EPHA6: variants seen among roughly 807,000 people sequenced by gnomAD.
EPHA6 encodes the protein EPH receptor A6.
A neutral mutation model predicts 112.0 loss-of-function variants in EPHA6; 50 were observed. The ratio of observed to expected loss-of-function variants is 0.45; its 90% CI spans 0.36 to 0.56. The LOEUF is 0.56. EPHA6 is among the 20% of genes least tolerant of loss of function. The pLI is 0.00. For missense variants in EPHA6, 1,280 were observed against 1,417.4 expected (o/e 0.90, Z 1.56); for synonymous variants, 529 against 490.7 (o/e 1.08, Z -1.03).
chr3:97,027,260 G>C (rs1431333470), intron 3 of EPHA6, among the ~76,000 whole-genome samples: 1 of 152,122 alleles, frequency 6.6e-6, no homozygotes. Context: ...GGCACATACA[G>C]GGGAACAACA....
intron 3 of EPHA6, among the ~76,000 whole-genome samples, chr3:97,129,281 C>T (rs1212755996): frequency 2.0e-5 from 3 of 151,906 alleles, no homozygotes; most frequent in Non-Finnish European, 4.4e-5. Flanking sequence ...GGGCAGATCA[C>T]GAGATCAGGA....
intron 2 of EPHA6, among the ~76,000 whole-genome samples, chr3:96,919,625 G>A (rs1270665940): frequency 6.6e-6 from 1 of 151,738 alleles, no homozygotes; most frequent in Non-Finnish European, 1.5e-5. Flanking sequence ...GTAATAACTT[G>A]TAGGTATCGG....
Position 97,405,668 on chromosome 3 carries a change from T to C in EPHA6, c.1731+394T>C, listed in dbSNP as rs80291894. ...CTGAAGTGGGTTTTTGTAGCACATA[T>C]CCTTTGCCAGTGTGTTTAGAGTTAC... On this transcript the variant is annotated intron_variant, in intron 6 of 17. Transcript: ENST00000389672. Among the ~76,000 whole-genome samples, 965 of 152,222 alleles carry C rather than the reference T, an allele frequency of 6.3e-3. 11 individuals carry two copies. The highest frequency in any genetic ancestry group is 0.02 in the Admixed American group (304 of 15,262).
chr3:96,879,778 G>C (rs916287348), intron 2 of EPHA6, among the ~76,000 whole-genome samples: 17 of 151,996 alleles, frequency 1.1e-4, no homozygotes, highest in Non-Finnish European at 2.1e-4. Flanking sequence ...ATTATAAAAG[G>C]GATTGGGTTC....
At chr3:96,956,661 G>A (rs2041771739) in intron 2 of EPHA6, among the ~76,000 whole-genome samples, 1 of 152,014 alleles carries the variant, frequency 6.6e-6, no homozygotes, top group African/African-American at 2.4e-5. Context: ...GATCAGAAAG[G>A]CATTAAAATA....
intron 5 of EPHA6, among the ~76,000 whole-genome samples, chr3:97,265,050 A>G (rs888332924): frequency 6.6e-6 from 1 of 152,166 alleles, no homozygotes; most frequent in Non-Finnish European, 1.5e-5. Context: ...AGCTATCAGC[A>G]GAGAGGTTAG....
At chr3:97,084,125 G>GATATATATATATAT (rs747964175) in intron 3 of EPHA6, among the ~76,000 whole-genome samples, 4 of 92,452 alleles carry the variant, frequency 4.3e-5, no homozygotes, top group African/African-American at 1.4e-4. Context: ...TATATATATG[G>GATATATATATATAT]ATATATATCC....
intron 10 of EPHA6, 27 bp from the exon 11 acceptor site, chr3:97,532,331 A>G: frequency 6.3e-7 from 1 of 1,578,602 alleles, no homozygotes; most frequent in Non-Finnish European, 8.6e-7. Flanking sequence ...GGTTTAATCA[A>G]ATAACTGCTT....
intron 5 of EPHA6, among the ~76,000 whole-genome samples, chr3:97,331,341 G>A (rs923429092): frequency 5.9e-5 from 9 of 151,754 alleles, no homozygotes; most frequent in African/African-American, 1.9e-4. Context: ...TAAAAGAACT[G>A]GAGAAGCAAG....
At chr3:97,360,863 T>C (rs1378942562) in intron 5 of EPHA6, among the ~76,000 whole-genome samples, 1 of 152,222 alleles carries the variant, frequency 6.6e-6, no homozygotes, top group Non-Finnish European at 1.5e-5. Context: ...CAACTTTTAC[T>C]ATCTCCCCTC....
At chr3:97,148,828 GA>G (rs1238603229) in intron 3 of EPHA6, among the ~76,000 whole-genome samples, 1 of 151,954 alleles carries the variant, frequency 6.6e-6, no homozygotes, top group African/African-American at 2.4e-5. Flanking sequence ...TTACAAAAAT[GA>G]AACATTCCAT....
intron 5 of EPHA6, among the ~76,000 whole-genome samples, chr3:97,356,303 C>A (rs573213923): frequency 6.6e-6 from 1 of 152,282 alleles, no homozygotes; most frequent in Non-Finnish European, 1.5e-5. Flanking sequence ...TTATGGTGAG[C>A]TGTATAATTA....
intron 2 of EPHA6, among the ~76,000 whole-genome samples, chr3:96,871,718 A>G (rs975148970): frequency 5.9e-5 from 9 of 152,086 alleles, no homozygotes; most frequent in Non-Finnish European, 8.8e-5. Flanking sequence ...ACAAAAATAT[A>G]TGAACCCTCT....
chr3:97,299,608 A>G (rs2081013215), intron 5 of EPHA6, among the ~76,000 whole-genome samples: 2 of 152,186 alleles, frequency 1.3e-5, no homozygotes, highest in Admixed American at 6.5e-5. Context: ...CTGAATGTCC[A>G]TCAGCATTAG....
At chr3:97,174,666 G>A (rs777833755) in intron 3 of EPHA6, among the ~76,000 whole-genome samples, 5 of 151,754 alleles carry the variant, frequency 3.3e-5, no homozygotes, top group South Asian at 2.1e-4. Context: ...GAGCACCAGT[G>A]TCTATACCTG....
intron 6 of EPHA6, among the ~76,000 whole-genome samples, chr3:97,445,754 G>A (rs139208518): frequency 2.7e-3 from 404 of 151,382 alleles, no homozygotes; most frequent in Middle Eastern, 6.8e-3. Context: ...CCTCTGGAAA[G>A]CTTGATCATG....
At chr3:97,528,439 C>T (rs1344822841) in intron 10 of EPHA6, among the ~76,000 whole-genome samples, 2 of 152,066 alleles carry the variant, frequency 1.3e-5, no homozygotes, top group East Asian at 1.9e-4. Flanking sequence ...TAGAGAAGAA[C>T]TGAGGAGAGT....
At chr3:97,452,913 A>C (rs889486582) in intron 7 of EPHA6, among the ~76,000 whole-genome samples, 2 of 151,744 alleles carry the variant, frequency 1.3e-5, no homozygotes, top group Admixed American at 6.6e-5. Flanking sequence ...CAAAATAAAA[A>C]ATTGTTGACA....
intron 10 of EPHA6, among the ~76,000 whole-genome samples, chr3:97,502,167 CTTTTT>C (rs773321621): frequency 1.6e-5 from 2 of 124,324 alleles, no homozygotes; most frequent in African/African-American, 3.3e-5. Flanking sequence ...TAACTACCTG[CTTTTT>C]TTTTTTTTTT....
Sources: allele counts gnomAD v4.1 joint callset (sites outside exome capture counted in the v4.1 genomes callset), GRCh38; gene constraint gnomAD v4.1.1; transcripts MANE v1.5; gene names NCBI Gene and HGNC (gene_info 2026-07-23, HGNC 2026-07-21).